The following AFG1L variants were observed in gnomAD, a reference collection of about 807,000 sequenced individuals.
AFG1L encodes AFG1 like ATPase, also known as AFG1-like ATPase.
AFG1L carries 53 observed loss-of-function variants against 62.2 expected under a neutral mutation model. The observed-to-expected ratio is 0.85, with a 90% CI of 0.68 to 1.07. The LOEUF is 1.07. Among genes scored for constraint, AFG1L ranks in the 50% least tolerant of loss-of-function variants. The pLI, the probability that AFG1L is intolerant of heterozygous loss-of-function variation, is 0.00. For missense variants in AFG1L, 555 were observed against 590.5 expected (o/e 0.94, Z 0.62); for synonymous variants, 228 against 210.3 (o/e 1.08, Z -0.73).
chr6:108,471,885 G>GA (rs1267284359), intron 8 of AFG1L, among the ~76,000 whole-genome samples: 1 of 151,998 alleles, frequency 6.6e-6, no homozygotes, highest in African/African-American at 2.4e-5. Flanking sequence ...AGTTCCTCTG[G>GA]AGTCATTATA....
intron 6 of AFG1L, among the ~76,000 whole-genome samples, chr6:108,366,713 A>T (rs989702607): frequency 1.3e-5 from 2 of 151,992 alleles, no homozygotes; most frequent in African/African-American, 4.8e-5. Context: ...AAGACCGAAA[A>T]CTTGCTTGCA....
chr6:108,338,482 CTT>C (rs938545112), intron 2 of AFG1L, among the ~76,000 whole-genome samples: 2 of 151,952 alleles, frequency 1.3e-5, no homozygotes, highest in Admixed American at 6.6e-5. Flanking sequence ...AGTAAACAAA[CTT>C]TTTTTTGTTG....
At chr6:108,415,859 G>A (rs559345244) in intron 7 of AFG1L, among the ~76,000 whole-genome samples, 1 of 152,226 alleles carries the variant, frequency 6.6e-6, no homozygotes, top group East Asian at 1.9e-4. Context: ...CATAGGCATG[G>A]GCAAGGACTT....
chr6:108,400,546 T>C (rs1218927085), intron 6 of AFG1L, among the ~76,000 whole-genome samples: 3 of 140,596 alleles, frequency 2.1e-5, no homozygotes, highest in Non-Finnish European at 4.5e-5. Flanking sequence ...ATAATATAAT[T>C]TGCATTATAT....
chr6:108,340,336 A>AT (rs35368303), intron 2 of AFG1L, among the ~76,000 whole-genome samples: 1 of 138,402 alleles, frequency 7.2e-6, no homozygotes, highest in Middle Eastern at 3.4e-3. Flanking sequence ...CTTCCTTAGG[A>AT]TTTTTTCTAA....
chr6:108,380,032 C>T (rs67639970), intron 6 of AFG1L, among the ~76,000 whole-genome samples: 15,217 of 151,564 alleles, frequency 0.1, 1,103 homozygotes, highest in African/African-American at 0.2. Flanking sequence ...AGAGGGCCCC[C>T]GTGCACCAAG....
intron 6 of AFG1L, among the ~76,000 whole-genome samples, chr6:108,375,670 G>A (rs2114533127): frequency 6.6e-6 from 1 of 152,242 alleles, no homozygotes; most frequent in East Asian, 1.9e-4. Flanking sequence ...TCCCAGGACT[G>A]AGGCCTACTT....
intron 10 of AFG1L, among the ~76,000 whole-genome samples, chr6:108,490,991 T>C (rs1488582592): frequency 6.6e-6 from 1 of 152,214 alleles, no homozygotes; most frequent in East Asian, 1.9e-4. Context: ...CCTGTTTAAC[T>C]GAAAGCAGAT....
At chr6:108,461,370 C>T (rs2114779915) in intron 8 of AFG1L, among the ~76,000 whole-genome samples, 1 of 152,312 alleles carries the variant, frequency 6.6e-6, no homozygotes, top group Admixed American at 6.5e-5. Flanking sequence ...CCCTGTTGTA[C>T]ACTTATAACT....
chr6:108,337,178 A>G (rs934902255), intron 2 of AFG1L, among the ~76,000 whole-genome samples: 1 of 152,212 alleles, frequency 6.6e-6, no homozygotes, highest in African/African-American at 2.4e-5. Context: ...AGCACGATCT[A>G]ACCTTGAAGA....
At chr6:108,304,597 G>A (rs1777135755) in intron 1 of AFG1L, among the ~76,000 whole-genome samples, 1 of 152,186 alleles carries the variant, frequency 6.6e-6, no homozygotes, top group Admixed American at 6.5e-5. Context: ...CAGTAATGAA[G>A]TTTACAGCTG....
chr6:108,439,317 A>G (rs1357369681), intron 7 of AFG1L, among the ~76,000 whole-genome samples: 1 of 152,228 alleles, frequency 6.6e-6, no homozygotes, highest in African/African-American at 2.4e-5. Context: ...AACCTGTAGT[A>G]TTCAATTATG....
At chr6:108,307,540 A>T (rs563872965) in intron 1 of AFG1L, among the ~76,000 whole-genome samples, 10 of 152,032 alleles carry the variant, frequency 6.6e-5, no homozygotes, top group African/African-American at 2.4e-4. Context: ...TCTCCTGAGT[A>T]ACTGAGACTA....
chr6:108,322,736 A>G (rs1582588856), intron 1 of AFG1L, among the ~76,000 whole-genome samples: 2 of 152,344 alleles, frequency 1.3e-5, no homozygotes, highest in African/African-American at 4.8e-5. Flanking sequence ...AGGAAACATG[A>G]TGTTCAATGA....
At chr6:108,499,556 T>C (rs1324017252) in intron 10 of AFG1L, among the ~76,000 whole-genome samples, 1 of 127,688 alleles carries the variant, frequency 7.8e-6, no homozygotes, top group Non-Finnish European at 1.6e-5. Context: ...CTTGGCAGCA[T>C]AGCAAGACCT....
At chr6:108,426,053 C>T (rs1307544535) in intron 7 of AFG1L, among the ~76,000 whole-genome samples, 1 of 152,098 alleles carries the variant, frequency 6.6e-6, no homozygotes, top group Non-Finnish European at 1.5e-5. Context: ...TTTATAAATG[C>T]TATCCTGGAT....
chr6:108,316,015 C>A (rs555623030), intron 1 of AFG1L, among the ~76,000 whole-genome samples: 2 of 151,950 alleles, frequency 1.3e-5, no homozygotes, highest in Non-Finnish European at 2.9e-5. Context: ...CCACTGCACT[C>A]CAGCATAGGC....
chr6:108,421,456 C>T (rs1243147736), intron 7 of AFG1L, among the ~76,000 whole-genome samples: 5 of 152,082 alleles, frequency 3.3e-5, no homozygotes, highest in Middle Eastern at 3.4e-3. Flanking sequence ...GCGTAATTAG[C>T]GTGTATGAAT....
intron 6 of AFG1L, among the ~76,000 whole-genome samples, chr6:108,384,398 A>G (rs996710867): frequency 6.6e-6 from 1 of 152,214 alleles, no homozygotes; most frequent in Non-Finnish European, 1.5e-5. Context: ...CAGCTACCCA[A>G]CTAGGGGTAG....
Sources: gnomAD v4.1 joint callset for allele counts (sites outside exome capture counted in the v4.1 genomes callset) on GRCh38, gnomAD v4.1.1 for gene constraint, MANE v1.5 for transcripts, NCBI Gene and HGNC (gene_info 2026-07-23, HGNC 2026-07-21) for gene names.